SMYD2: variants seen among roughly 807,000 people sequenced by gnomAD.
SMYD2 encodes SET and MYND domain containing 2.
A neutral mutation model predicts 59.1 loss-of-function variants in SMYD2; 53 were observed. The observed-to-expected ratio is 0.90, with a 90% CI of 0.72 to 1.13. The LOEUF (loss-of-function observed/expected upper bound fraction) is 1.13. Ranked by LOEUF, SMYD2 falls within the 50% of genes most tolerant of loss-of-function variation. The probability of loss-of-function intolerance (pLI) is 0.00; values close to 1 mark genes in which losing one functional copy is unlikely to be tolerated. For missense variants in SMYD2, 494 were observed against 544.7 expected, an observed-to-expected ratio of 0.91 and a Z score of 0.93; for synonymous variants, 208 against 198.8, an observed-to-expected ratio of 1.05 and a Z score of -0.39.
At chr1:214,327,872 G>A (rs1411973656) in intron 7 of SMYD2, 148 bp downstream of exon 7, 3 of 623,996 alleles carry the variant, frequency 4.8e-6, no homozygotes, top group Non-Finnish European at 8.5e-6. Context: ...GGCTCTCCAG[G>A]AGTCAGTGAT....
At chr1:214,334,628 C>T (rs1657407593) in intron 11 of SMYD2, among the ~76,000 whole-genome samples, 1 of 152,132 alleles carries the variant, frequency 6.6e-6, no homozygotes, top group Non-Finnish European at 1.5e-5. Context: ...GAATGATGAT[C>T]CCCAGTTGTG....
intron 6 of SMYD2, 119 bp from the exon 7 acceptor site, chr1:214,327,503 A>C (rs1301143491): frequency 1.2e-6 from 1 of 808,894 alleles, no homozygotes; most frequent in African/African-American, 1.7e-5. Context: ...CAACTATTAG[A>C]TTTTTAAAAA....
At chr1:214,326,115 G>C (rs1657257327) in intron 6 of SMYD2, among the ~76,000 whole-genome samples, 2 of 151,720 alleles carry the variant, frequency 1.3e-5, no homozygotes, top group Non-Finnish European at 2.9e-5. Flanking sequence ...GCGCACACCT[G>C]TAATCCCAGC....
chr1:214,326,411 G>A (rs11800749), intron 6 of SMYD2, among the ~76,000 whole-genome samples: 44,775 of 151,834 alleles, frequency 0.29, 6,942 homozygotes, highest in Non-Finnish European at 0.34. Context: ...TAATACTTCC[G>A]CAAGATGGTT....
At chr1:214,283,535 A>T (rs1656481918) in intron 1 of SMYD2, among the ~76,000 whole-genome samples, 1 of 152,166 alleles carries the variant, frequency 6.6e-6, no homozygotes, top group Non-Finnish European at 1.5e-5. Context: ...ATATCCTTGT[A>T]CCCTACTTCA....
chr1:214,307,197 G>C (rs1469416021), intron 2 of SMYD2, among the ~76,000 whole-genome samples: 1 of 152,210 alleles, frequency 6.6e-6, no homozygotes, highest in African/African-American at 2.4e-5. Context: ...AAATTGGCAA[G>C]TTACAAAACA....
intron 1 of SMYD2, among the ~76,000 whole-genome samples, chr1:214,288,040 C>T (rs566940050): frequency 5.3e-4 from 81 of 152,244 alleles, no homozygotes; most frequent in Non-Finnish European, 9.1e-4. Context: ...CGTTTGGAAC[C>T]GATTTCAGAT....
intron 6 of SMYD2, among the ~76,000 whole-genome samples, chr1:214,325,569 C>A (rs1200066434): frequency 6.6e-6 from 1 of 152,154 alleles, no homozygotes; most frequent in Non-Finnish European, 1.5e-5. Flanking sequence ...GAGTGATGTG[C>A]CTGCCCTTAG....
At chr1:214,299,253 T>C (rs1164485980) in intron 1 of SMYD2, among the ~76,000 whole-genome samples, 1 of 152,188 alleles carries the variant, frequency 6.6e-6, no homozygotes. Context: ...GTTCAGCCAC[T>C]GTAGAAAGCA....
At chr1:214,324,570 T>TA (rs1184950765) in intron 5 of SMYD2, 71 bp from the exon 6 acceptor site, 3 of 1,361,614 alleles carry the variant, frequency 2.2e-6, no homozygotes, top group Admixed American at 2.1e-5. Context: ...AGTCAAAATT[T>TA]AAAAAAATGA....
chr1:214,335,199 A>G (rs1223958466), intron 11 of SMYD2, among the ~76,000 whole-genome samples: 1 of 152,250 alleles, frequency 6.6e-6, no homozygotes, highest in African/African-American at 2.4e-5. Context: ...AAGTTTCCCA[A>G]TAGACTATTT....
chr1:214,319,289 T>C (rs1298612639), intron 5 of SMYD2, among the ~76,000 whole-genome samples: 1 of 152,166 alleles, frequency 6.6e-6, no homozygotes, highest in Non-Finnish European at 1.5e-5. Flanking sequence ...TACTTTAAGC[T>C]CTTTGCAAAG....
At chr1:214,295,491 A>T (rs996206981) in intron 1 of SMYD2, among the ~76,000 whole-genome samples, 2 of 152,130 alleles carry the variant, frequency 1.3e-5, no homozygotes, top group Admixed American at 1.3e-4. Flanking sequence ...GTCAGCCATT[A>T]CTCTGACCAC....
chr1:214,300,822 A>T (rs931737306), intron 1 of SMYD2, among the ~76,000 whole-genome samples: 5 of 152,222 alleles, frequency 3.3e-5, no homozygotes, highest in African/African-American at 4.8e-5. Context: ...TAGGAATAAT[A>T]ATAGCTTCTT....
chr1:214,288,786 TA>T (rs1223696693), intron 1 of SMYD2, among the ~76,000 whole-genome samples: 1 of 152,198 alleles, frequency 6.6e-6, no homozygotes, highest in Non-Finnish European at 1.5e-5. Flanking sequence ...TAATAAAACA[TA>T]AAAAGAACAT....
At chr1:214,281,567 G>GGAGGCCCCGCGCT (rs1656448409) in intron 1 of SMYD2, 140 bp downstream of exon 1, 1 of 723,222 alleles carries the variant, frequency 1.4e-6, no homozygotes, top group Non-Finnish European at 1.8e-6. Context: ...GGGGAGGGGA[G>GGAGGCCCCGCGCT]GAGGCCCCGC....
chr1:214,326,541 C>A (rs1657266062), intron 6 of SMYD2, among the ~76,000 whole-genome samples: 1 of 152,096 alleles, frequency 6.6e-6, no homozygotes, highest in Non-Finnish European at 1.5e-5. Context: ...TGGTGCAGTG[C>A]AGAGGTGGCC....
At chr1:214,320,284 C>T (rs1041948453) in intron 5 of SMYD2, among the ~76,000 whole-genome samples, 4 of 152,048 alleles carry the variant, frequency 2.6e-5, no homozygotes, top group East Asian at 1.9e-4. Context: ...GGGTATAATA[C>T]GAAAACACAC....
chr1:214,315,638 G>A (rs965526208), intron 3 of SMYD2, among the ~76,000 whole-genome samples: 1 of 152,216 alleles, frequency 6.6e-6, no homozygotes, highest in Admixed American at 6.5e-5. Context: ...CTTATGAACT[G>A]AAGCCATGTC....
Sources: allele counts gnomAD v4.1 joint callset (sites outside exome capture counted in the v4.1 genomes callset), GRCh38; gene constraint gnomAD v4.1.1; transcripts MANE v1.5; gene names NCBI Gene and HGNC (gene_info 2026-07-23, HGNC 2026-07-21).